The following PDAP1 variants were observed in gnomAD, a reference collection of about 807,000 sequenced individuals.
PDAP1 encodes PDGFA associated protein 1.
Under a neutral mutation model 28.0 loss-of-function variants are expected in PDAP1, and 13 were observed. The observed-to-expected ratio is 0.46, with a 90% CI of 0.30 to 0.74. The LOEUF (loss-of-function observed/expected upper bound fraction) is 0.74. Ranked by LOEUF, PDAP1 falls within the 30% of genes least tolerant of loss-of-function variation. The probability of loss-of-function intolerance (pLI) is 0.07; values close to 1 mark genes in which losing one functional copy is unlikely to be tolerated. For synonymous variants in PDAP1, 77 were observed against 85.1 expected (o/e 0.91, Z 0.52); for missense variants, 150 against 230.0 (o/e 0.65, Z 2.25).
intron 4 of PDAP1, among the ~76,000 whole-genome samples, chr7:99,399,048 C>T (rs1794813657): frequency 6.6e-6 from 1 of 152,130 alleles, no homozygotes; most frequent in African/African-American, 2.4e-5. Context: ...GGCCTATTTG[C>T]ACTGGGTTCC....
intron 1 of PDAP1, among the ~76,000 whole-genome samples, chr7:99,407,068 A>C (rs541020696): frequency 8.3e-4 from 126 of 152,286 alleles, no homozygotes; most frequent in Non-Finnish European, 1.3e-3. Flanking sequence ...GGTCCACAGT[A>C]ATTTTATAGT....
At chr7:99,399,948 G>T (rs1794833533) in intron 4 of PDAP1, among the ~76,000 whole-genome samples, 2 of 152,162 alleles carry the variant, frequency 1.3e-5, no homozygotes, top group South Asian at 4.1e-4. Flanking sequence ...CAGTCCCCAT[G>T]GCCACGACAT....
intron 5 of PDAP1, among the ~76,000 whole-genome samples, chr7:99,397,141 T>C (rs1396879065): frequency 6.6e-6 from 1 of 152,054 alleles, no homozygotes; most frequent in African/African-American, 2.4e-5. Context: ...TGAAGCAGGG[T>C]TGAATGGGAA....
chr7:99,405,823 G>A (rs868268189), intron 1 of PDAP1, among the ~76,000 whole-genome samples: 7 of 152,130 alleles, frequency 4.6e-5, no homozygotes, highest in African/African-American at 1.7e-4. Context: ...ATGACTTTGG[G>A]CAGGTATTTA....
intron 2 of PDAP1, among the ~76,000 whole-genome samples, chr7:99,403,830 A>G (rs573543404): frequency 2.6e-5 from 4 of 152,236 alleles, no homozygotes; most frequent in Admixed American, 6.5e-5. Flanking sequence ...CTGGGGTCAG[A>G]AGGACTCAGC....
intron 2 of PDAP1, 145 bp downstream of exon 2, chr7:99,404,717 T>C: frequency 1.7e-6 from 1 of 601,238 alleles, no homozygotes; most frequent in South Asian, 2.0e-5. Flanking sequence ...GTTCTGAGAC[T>C]CACACCTGGG....
At chr7:99,400,821 G>C (rs1228010417) in intron 3 of PDAP1, among the ~76,000 whole-genome samples, 2 of 152,118 alleles carry the variant, frequency 1.3e-5, no homozygotes, top group East Asian at 3.9e-4. Flanking sequence ...CCCAGGGCAG[G>C]GTGGGCCAAG....
chr7:99,398,263 A>C (rs1249214825), intron 4 of PDAP1, among the ~76,000 whole-genome samples: 7 of 152,256 alleles, frequency 4.6e-5, no homozygotes. Flanking sequence ...GACAATGTCC[A>C]GCTACAGCAG....
intron 1 of PDAP1, 36 bp downstream of exon 1, chr7:99,408,500 C>T: frequency 7.5e-7 from 1 of 1,337,560 alleles, no homozygotes; most frequent in Non-Finnish European, 9.6e-7. Context: ...TGGGCCGCCC[C>T]TCCAGGCCTG....
At chr7:99,398,329 G>T (rs146279296) in intron 4 of PDAP1, among the ~76,000 whole-genome samples, 1 of 152,224 alleles carries the variant, frequency 6.6e-6, no homozygotes, top group African/African-American at 2.4e-5. Context: ...ATGGAGAGAA[G>T]GGGGACCAGG....
rs1046863534 is a variant in PDAP1 at position 99,396,587 on chromosome 7, T to C, written c.*95A>G. The C allele has an allele frequency of 9.5e-5, 74 of 781,628 alleles. No individual in the cohort carries two copies. The highest frequency in any genetic ancestry group is 1.4e-4 in the Non-Finnish European group (67 of 493,724). 48.4% of individuals were successfully genotyped at this position (781,628 alleles called of 1,614,324 possible). On this transcript the variant is annotated 3_prime_UTR_variant, in exon 6 of 6. Coordinates refer to ENST00000350498, the MANE Select transcript of PDAP1 (RefSeq NM_014891.7). ...TGGGGGGCTCCTGGCCATGAGGGGC[T>C]GTTGCAGCGGCGCCAGGGCACAGGG...
intron 5 of PDAP1, among the ~76,000 whole-genome samples, chr7:99,397,238 T>C (rs1794784966): frequency 6.6e-6 from 1 of 151,932 alleles, no homozygotes; most frequent in African/African-American, 2.4e-5. Flanking sequence ...CATGGTCTGG[T>C]GAGGAGGCAG....
chr7:99,398,626 C>T (rs991713126), intron 4 of PDAP1, among the ~76,000 whole-genome samples: 2 of 152,196 alleles, frequency 1.3e-5, no homozygotes, highest in African/African-American at 4.8e-5. Context: ...ATTGCTTGAG[C>T]CCAGAAGTTC....
rs1584415763 is a variant in PDAP1 at position 99,394,745 on chromosome 7, C to T, written c.*1937G>A. 3 of 1,198,868 alleles carry T rather than the reference C, an allele frequency of 2.5e-6. No homozygotes were observed. The highest frequency in any genetic ancestry group is 4.3e-5 in the South Asian group (1 of 23,372). 74.3% of individuals were successfully genotyped at this position (1,198,868 alleles called of 1,614,324 possible). A position where few individuals can be genotyped will look rare whatever the true frequency, so the allele number is the denominator to read the frequency against. On this transcript the variant is annotated 3_prime_UTR_variant, in exon 6 of 6. Coordinates refer to ENST00000350498, the MANE Select transcript of PDAP1 (RefSeq NM_014891.7). ...AAAGCACTATGCTGGTCATGAACTGCTTCAAAATGTGGAGGTAATAAAATG... is the reference window on the plus strand; with the variant it reads ...AAAGCACTATGCTGGTCATGAACTGTTTCAAAATGTGGAGGTAATAAAATG...
intron 3 of PDAP1, among the ~76,000 whole-genome samples, chr7:99,402,878 CAAAAAAA>C (rs543294031): frequency 1.7e-4 from 12 of 72,082 alleles, no homozygotes; most frequent in Admixed American, 3.1e-4. Flanking sequence ...CACTTCATCT[CAAAAAAA>C]AAAAAAAAAA....
chr7:99,408,084 C>G (rs1795018706), intron 1 of PDAP1, among the ~76,000 whole-genome samples: 1 of 152,134 alleles, frequency 6.6e-6, no homozygotes, highest in Non-Finnish European at 1.5e-5. Context: ...GGAGTCGAAA[C>G]CAGGTCTGGA....
At position 99,408,573 on chromosome 7, in the gene PDAP1, G is replaced by T. The variant is rs1352101406; in HGVS notation, c.-25C>A. ...TTGCGGCTCCGGCGGCTGCGGCGGC[G>T]GCGGCGGCGCCTCGAACTGACACCG... On this transcript the variant is annotated 5_prime_UTR_variant, in exon 1 of 6. Coordinates refer to ENST00000350498, the MANE Select transcript of PDAP1 (RefSeq NM_014891.7). 7.9e-7 allele frequency: 1 copy of T among 1,270,904 alleles called. No homozygotes were observed. Among genetic ancestry groups the T allele is most frequent in the Non-Finnish European group, 9.9e-7 (1 of 1,006,222 alleles). The allele number at this position is 1,270,904 out of a possible 1,614,324, so 78.7% of individuals were successfully genotyped here. A position where few individuals can be genotyped will look rare whatever the true frequency, so the allele number is the denominator to read the frequency against.
intron 4 of PDAP1, among the ~76,000 whole-genome samples, chr7:99,398,791 C>T (rs1004815919): frequency 6.6e-6 from 1 of 152,220 alleles, no homozygotes; most frequent in Admixed American, 6.5e-5. Flanking sequence ...AACAGACACA[C>T]CCAGTCTCAG....
chr7:99,404,797 T>C, intron 2 of PDAP1, 65 bp downstream of exon 2: 2 of 1,363,020 alleles, frequency 1.5e-6, no homozygotes. Flanking sequence ...CTGGCCTCTC[T>C]ATGAACCAAA....
Sources: allele counts gnomAD v4.1 joint callset (sites outside exome capture counted in the v4.1 genomes callset), GRCh38; gene constraint gnomAD v4.1.1; transcripts MANE v1.5; gene names NCBI Gene and HGNC (gene_info 2026-07-23, HGNC 2026-07-21).